Variants in FTCDNL1 observed in about 807,000 individuals in gnomAD.
The protein encoded by FTCDNL1 is formiminotransferase cyclodeaminase N-terminal like.
In FTCDNL1, 11 loss-of-function variants were observed where a neutral mutation model predicts 5.9. The observed-to-expected ratio is 1.87, with a 90% CI of 1.18 to 3.10. FTCDNL1 has a LOEUF of 3.10. Ranked by LOEUF, FTCDNL1 falls within the 30% of genes most tolerant of loss-of-function variation. The probability of loss-of-function intolerance (pLI) is 0.00; values close to 1 mark genes in which losing one functional copy is unlikely to be tolerated. For synonymous variants in FTCDNL1, 58 were observed against 24.8 expected (o/e 2.34, Z -3.99); for missense variants, 115 against 65.5 (o/e 1.76, Z -2.61).
the FTCDNL1 span, among the ~76,000 whole-genome samples, chr2:199,686,199 C>G: frequency 8.4e-6 from 1 of 118,822 alleles, no homozygotes. Context: ...TAAAAAGAAA[C>G]CTTTGGTAGT....
intron 1 of FTCDNL1, among the ~76,000 whole-genome samples, chr2:199,850,069 G>A (rs2106635120): frequency 6.6e-6 from 1 of 152,244 alleles, no homozygotes; most frequent in South Asian, 2.1e-4. Context: ...TGGCTTGTTC[G>A]CCAGGATCAT....
chr2:199,732,477 T>C, the FTCDNL1 span, among the ~76,000 whole-genome samples: 1 of 152,142 alleles, frequency 6.6e-6, no homozygotes, highest in Non-Finnish European at 1.5e-5. Flanking sequence ...GATATTGTAA[T>C]AACAAAAAAG....
intron 3 of FTCDNL1, among the ~76,000 whole-genome samples, chr2:199,788,649 ATAAACT>A (rs1052660415): frequency 8.5e-5 from 13 of 152,134 alleles, no homozygotes; most frequent in African/African-American, 2.9e-4. Context: ...TAAACACAAA[ATAAACT>A]TAAAGAAACT....
the FTCDNL1 span, among the ~76,000 whole-genome samples, chr2:199,668,790 A>G: frequency 6.6e-6 from 1 of 152,102 alleles, no homozygotes; most frequent in African/African-American, 2.4e-5. Context: ...AAAATTGCAA[A>G]GAGTAGAGAG....
At chr2:199,777,766 G>C (rs1283834553) in intron 3 of FTCDNL1, among the ~76,000 whole-genome samples, 1 of 151,950 alleles carries the variant, frequency 6.6e-6, no homozygotes, top group Non-Finnish European at 1.5e-5. Flanking sequence ...AGGGATTTTT[G>C]GCTGACAAGG....
At chr2:199,754,147 C>T in the FTCDNL1 span, among the ~76,000 whole-genome samples, 1 of 152,130 alleles carries the variant, frequency 6.6e-6, no homozygotes, top group Non-Finnish European at 1.5e-5. Context: ...AAATTGTCCC[C>T]CACAATTCAT....
At chr2:199,698,409 T>A in the FTCDNL1 span, among the ~76,000 whole-genome samples, 3 of 152,106 alleles carry the variant, frequency 2.0e-5, no homozygotes, top group South Asian at 2.1e-4. Context: ...GAAAATTTTT[T>A]AAAAATGAAA....
At chr2:199,837,014 CT>C (rs1280678362) in intron 3 of FTCDNL1, among the ~76,000 whole-genome samples, 1 of 152,154 alleles carries the variant, frequency 6.6e-6, no homozygotes, top group African/African-American at 2.4e-5. Context: ...AAGAGTGCAG[CT>C]TTTTCAAGTA....
chr2:199,780,984 C>A (rs1264087630), intron 3 of FTCDNL1, among the ~76,000 whole-genome samples: 1 of 152,190 alleles, frequency 6.6e-6, no homozygotes, highest in Non-Finnish European at 1.5e-5. Flanking sequence ...AGGAAGCACA[C>A]AATCTCTGCC....
At chr2:199,698,097 T>C in the FTCDNL1 span, among the ~76,000 whole-genome samples, 1 of 152,190 alleles carries the variant, frequency 6.6e-6, no homozygotes, top group South Asian at 2.1e-4. Context: ...GTCCTAAATA[T>C]ATATGCATCC....
At chr2:199,674,800 A>G in the FTCDNL1 span, among the ~76,000 whole-genome samples, 1 of 152,374 alleles carries the variant, frequency 6.6e-6, no homozygotes, top group East Asian at 1.9e-4. Flanking sequence ...AATGAGGCTA[A>G]TTCAAAGATT....
chr2:199,842,338 T>G (rs2076612794), intron 3 of FTCDNL1, among the ~76,000 whole-genome samples: 1 of 152,086 alleles, frequency 6.6e-6, no homozygotes. Flanking sequence ...TTCATAACAT[T>G]CCCAGGAATG....
chr2:199,777,217 C>T (rs1227987743), intron 3 of FTCDNL1, among the ~76,000 whole-genome samples: 1 of 151,990 alleles, frequency 6.6e-6, no homozygotes, highest in African/African-American at 2.4e-5. Context: ...CTCTTGAACC[C>T]AGGAGGCGGA....
intron 3 of FTCDNL1, among the ~76,000 whole-genome samples, chr2:199,787,806 CAG>C (rs1276182448): frequency 2.0e-5 from 3 of 151,980 alleles, no homozygotes; most frequent in Non-Finnish European, 2.9e-5. Flanking sequence ...TTGAAGGAAA[CAG>C]AGTATAAATT....
chr2:199,681,329 G>A, the FTCDNL1 span, among the ~76,000 whole-genome samples: 3 of 152,046 alleles, frequency 2.0e-5, no homozygotes, highest in Non-Finnish European at 4.4e-5. Context: ...GGTGGCACAC[G>A]CCTGTAATCC....
At chr2:199,776,409 C>T (rs533316326) in intron 3 of FTCDNL1, among the ~76,000 whole-genome samples, 2 of 152,198 alleles carry the variant, frequency 1.3e-5, no homozygotes, top group East Asian at 1.9e-4. Flanking sequence ...TTAATGCACT[C>T]GTGTTGCCAA....
At chr2:199,700,136 T>C in the FTCDNL1 span, among the ~76,000 whole-genome samples, 1 of 152,184 alleles carries the variant, frequency 6.6e-6, no homozygotes, top group African/African-American at 2.4e-5. Flanking sequence ...AATATGATTC[T>C]ATACCTAGAA....
chr2:199,817,382 T>G (rs1701411274), intron 4 of FTCDNL1, among the ~76,000 whole-genome samples: 1 of 152,258 alleles, frequency 6.6e-6, no homozygotes, highest in Admixed American at 6.5e-5. Context: ...AATATCATCT[T>G]TAAACATTCA....
chr2:199,798,318 G>T (rs961247328), intron 3 of FTCDNL1, among the ~76,000 whole-genome samples: 1 of 152,298 alleles, frequency 6.6e-6, no homozygotes, highest in African/African-American at 2.4e-5. Context: ...GAATTACCAA[G>T]TGGAATAAAA....
Sources: gnomAD v4.1 joint callset for allele counts (sites outside exome capture counted in the v4.1 genomes callset) on GRCh38, gnomAD v4.1.1 for gene constraint, MANE v1.5 for transcripts, NCBI Gene and HGNC (gene_info 2026-07-23, HGNC 2026-07-21) for gene names.